CA10: variants seen among roughly 807,000 people sequenced by gnomAD.
CA10 encodes the protein carbonic anhydrase-related protein 10.
A neutral mutation model predicts 44.2 loss-of-function variants in CA10; 14 were observed. The ratio of observed to expected loss-of-function variants is 0.32; its 90% CI spans 0.21 to 0.50. The LOEUF (loss-of-function observed/expected upper bound fraction) is 0.50, where lower values mean the gene tolerates loss of function less well. Among genes scored for constraint, CA10 ranks in the 20% least tolerant of loss-of-function variants. The pLI is 0.99. For missense variants in CA10, 350 were observed against 409.7 expected (o/e 0.85, Z 1.26); for synonymous variants, 159 against 141.6 (o/e 1.12, Z -0.87).
At chr17:52,123,108 C>T (rs181440219) in intron 1 of CA10, among the ~76,000 whole-genome samples, 7 of 152,168 alleles carry the variant, frequency 4.6e-5, no homozygotes, top group Non-Finnish European at 8.8e-5. Context: ...TGATCAAAGG[C>T]GGAGATACTT....
At chr17:52,095,175 T>C (rs113351873) in intron 1 of CA10, among the ~76,000 whole-genome samples, 78 of 152,196 alleles carry the variant, frequency 5.1e-4, no homozygotes, top group African/African-American at 1.9e-3. Flanking sequence ...ACAACATAGG[T>C]GAGTCTCAGG....
At chr17:51,650,919 G>T (rs527552564) in intron 5 of CA10, among the ~76,000 whole-genome samples, 2 of 152,164 alleles carry the variant, frequency 1.3e-5, no homozygotes, top group Admixed American at 6.5e-5. Flanking sequence ...ATATGTACTT[G>T]GTATAAGTGA....
intron 6 of CA10, among the ~76,000 whole-genome samples, chr17:51,639,861 C>T (rs1050321241): frequency 6.6e-6 from 1 of 152,120 alleles, no homozygotes; most frequent in African/African-American, 2.4e-5. Context: ...TCTACATTTG[C>T]AATAAGCAGA....
At chr17:51,835,048 A>G (rs1376032814) in intron 3 of CA10, among the ~76,000 whole-genome samples, 1 of 152,168 alleles carries the variant, frequency 6.6e-6, no homozygotes, top group Non-Finnish European at 1.5e-5. Context: ...AGAATATGAG[A>G]GAATTCTCAA....
rs1313495049 is a variant in CA10 at position 51,631,480 on chromosome 17, T to C, written c.*104A>G. ...GGCCAATCCCAAGAATGAATGAGGC[T>C]TGGGGGAAAGAAGGAGAGAGAAGCA... On this transcript the variant is annotated 3_prime_UTR_variant, in exon 9 of 9. Coordinates refer to ENST00000451037, the MANE Select transcript of CA10 (RefSeq NM_020178.5). 4.6e-6 allele frequency: 5 copies of C among 1,091,448 alleles called. No individual in the cohort carries two copies. The highest frequency in any genetic ancestry group is 7.0e-6 in the Non-Finnish European group (5 of 710,190). The allele number at this position is 1,091,448 out of a possible 1,614,324, so 67.6% of individuals were successfully genotyped here.
At chr17:51,822,970 C>A (rs1175253213) in intron 3 of CA10, among the ~76,000 whole-genome samples, 3 of 152,152 alleles carry the variant, frequency 2.0e-5, no homozygotes, top group South Asian at 4.1e-4. Context: ...AACTGCCCTC[C>A]CCCACCCACT....
chr17:51,749,882 G>T (rs990098840), intron 3 of CA10, among the ~76,000 whole-genome samples: 10 of 152,186 alleles, frequency 6.6e-5, no homozygotes, highest in Admixed American at 1.3e-4. Context: ...CTTCGTTCTA[G>T]TTCCTTCAAG....
In CA10 at chr17:51,782,796, G is replaced by A. The variant is rs139378510; in HGVS notation, c.280-34978C>T. Among the ~76,000 whole-genome samples the A allele has an allele frequency of 3.3e-3, 509 of 152,286 alleles. 2 individuals carry two copies. The highest frequency in any genetic ancestry group is 0.011 in the African/African-American group (466 of 41,556). On this transcript the variant is annotated intron_variant, in intron 3 of 8. Coordinates refer to ENST00000451037, the MANE Select transcript of CA10 (RefSeq NM_020178.5). ...AGGGAGGCAGGATGTTGCATCCTGA[G>A]TATGTGATAGCAAATGGTGGCTTGG...
rs192559199 is a variant in CA10 at position 52,069,855 on chromosome 17, G to A, written c.136+2464C>T. Among the ~76,000 whole-genome samples, 89 of 152,246 alleles carry A rather than the reference G, an allele frequency of 5.8e-4. 1 individual carries two copies. The highest frequency in any genetic ancestry group is 1.0e-3 in the Non-Finnish European group (69 of 68,026). On this transcript the variant is annotated intron_variant, in intron 2 of 8. Transcript: ENST00000451037. The stretch of plus-strand genomic sequence containing the variant: ...TATTATTTCTAGACACTTCAGTGAG[G>A]AACTTATGGGACGATAAAACTAGTT...
At chr17:51,970,175 C>T (rs761344694) in intron 2 of CA10, among the ~76,000 whole-genome samples, 1 of 152,054 alleles carries the variant, frequency 6.6e-6, no homozygotes, top group South Asian at 2.1e-4. Flanking sequence ...GCTACCCAAG[C>T]TAAGTCTTTA....
intron 3 of CA10, among the ~76,000 whole-genome samples, chr17:51,797,043 T>A (rs1902952413): frequency 6.6e-6 from 1 of 151,818 alleles, no homozygotes; most frequent in South Asian, 2.1e-4. Flanking sequence ...CCACAGACCA[T>A]CTGCCAGCTG....
intron 3 of CA10, among the ~76,000 whole-genome samples, chr17:51,793,906 G>A (rs574402872): frequency 2.0e-5 from 3 of 152,268 alleles, no homozygotes; most frequent in Admixed American, 6.5e-5. Context: ...TCAGATTCTG[G>A]ACATCCAATG....
intron 3 of CA10, among the ~76,000 whole-genome samples, chr17:51,927,547 T>G (rs1982481402): frequency 6.6e-6 from 1 of 152,178 alleles, no homozygotes; most frequent in Non-Finnish European, 1.5e-5. Context: ...GTTATCCATA[T>G]TTTACTCTGC....
At chr17:51,717,698 C>A (rs56970473) in intron 4 of CA10, among the ~76,000 whole-genome samples, 1 of 53,042 alleles carries the variant, frequency 1.9e-5, no homozygotes, top group Non-Finnish European at 3.7e-5. Context: ...TACATATATG[C>A]ATGTATATAT....
In CA10 at chr17:51,974,178, G is replaced by A. The variant is rs893420287; in HGVS notation, c.137-43046C>T. ...AGGCAGGCAGATCACGAGGTCAGGAGATCGAGACCATCCTGGCCAACATGG... is the reference window on the plus strand; with the variant it reads ...AGGCAGGCAGATCACGAGGTCAGGAAATCGAGACCATCCTGGCCAACATGG... On this transcript the variant is annotated intron_variant, in intron 2 of 8. Transcript: ENST00000451037. Among the ~76,000 whole-genome samples, 4 of 152,196 alleles carry A rather than the reference G, an allele frequency of 2.6e-5. No individual in the cohort carries two copies. The South Asian group carries it at 6.2e-4, about 24-fold the overall frequency.
chr17:51,697,320 T>A (rs777325870), intron 4 of CA10, among the ~76,000 whole-genome samples: 1 of 152,212 alleles, frequency 6.6e-6, no homozygotes, highest in Non-Finnish European at 1.5e-5. Flanking sequence ...CTACAGCACA[T>A]TTCTTTCCAG....
At chr17:51,797,871 A>AAAAAAAAAAAC (rs1906776225) in intron 3 of CA10, among the ~76,000 whole-genome samples, 1 of 151,144 alleles carries the variant, frequency 6.6e-6, no homozygotes. Flanking sequence ...AAAAAAAAAA[A>AAAAAAAAAAAC]AAAAGAACGA....
At chr17:51,841,367 G>A (rs1177184859) in intron 3 of CA10, among the ~76,000 whole-genome samples, 1 of 152,112 alleles carries the variant, frequency 6.6e-6, no homozygotes, top group Non-Finnish European at 1.5e-5. Flanking sequence ...CTCTAACTCT[G>A]GCAGCATCTT....
At chr17:51,665,736 T>C (rs1914181755) in intron 4 of CA10, among the ~76,000 whole-genome samples, 1 of 152,238 alleles carries the variant, frequency 6.6e-6, no homozygotes, top group Non-Finnish European at 1.5e-5. Flanking sequence ...TTTGTGTATC[T>C]AAACGTAGAA....
Sources: allele counts gnomAD v4.1 joint callset (sites outside exome capture counted in the v4.1 genomes callset), GRCh38; gene constraint gnomAD v4.1.1; transcripts MANE v1.5; gene names NCBI Gene and HGNC (gene_info 2026-07-23, HGNC 2026-07-21).